The following DHRS12 variants were observed in gnomAD, a reference collection of about 807,000 sequenced individuals.
The protein encoded by DHRS12 is dehydrogenase/reductase SDR family member 12.
DHRS12 carries 29 observed loss-of-function variants against 32.1 expected under a neutral mutation model. The observed-to-expected ratio is 0.90, with a 90% confidence interval of 0.67 to 1.23. The LOEUF (loss-of-function observed/expected upper bound fraction) is 1.23, where lower values mean the gene tolerates loss of function less well. Ranked by LOEUF, DHRS12 falls within the 50% of genes most tolerant of loss-of-function variation. The probability of loss-of-function intolerance (pLI) is 0.00; values close to 1 mark genes in which losing one functional copy is unlikely to be tolerated. For missense variants in DHRS12, 330 were observed against 337.2 expected, an observed-to-expected ratio of 0.98 and a Z score of 0.17; for synonymous variants, 150 against 135.9, an observed-to-expected ratio of 1.10 and a Z score of -0.72.
downstream of DHRS12, chr13:51,767,776 TGGGGCGGG>T (rs1390335561): frequency 0.018 from 579 of 32,118 alleles, 55 homozygotes; most frequent in East Asian, 0.053. Context: ...AGCCCTCTCC[TGGGGCGGG>T]GGGGGGGGGG....
intron 7 of DHRS12, chr13:51,771,119 G>C: frequency 6.7e-7 from 1 of 1,489,046 alleles, no homozygotes; most frequent in Non-Finnish European, 8.9e-7. Flanking sequence ...TGTGATAATA[G>C]ACAGTAGTGG....
At chr13:51,787,855 T>C (rs1955048068) in intron 4 of DHRS12, among the ~76,000 whole-genome samples, 1 of 121,258 alleles carries the variant, frequency 8.2e-6, no homozygotes, top group Non-Finnish European at 1.7e-5. Flanking sequence ...TATATAATTA[T>C]ATATAATATA....
chr13:51,789,897 G>A (rs1024969294), intron 4 of DHRS12, 114 bp downstream of exon 4: 16 of 1,366,910 alleles, frequency 1.2e-5, no homozygotes, highest in African/African-American at 3.0e-5. Flanking sequence ...TAAAGCAAAC[G>A]TCATCAGGCC....
intron 1 of DHRS12, 67 bp downstream of exon 1, chr13:51,803,987 C>T: frequency 7.3e-7 from 1 of 1,375,588 alleles, no homozygotes; most frequent in Admixed American, 3.2e-5. Context: ...CCCGCCAACC[C>T]TGCTCGCCCG....
intron 6 of DHRS12, chr13:51,772,592 T>C (rs1954083352): frequency 1.0e-6 from 1 of 978,982 alleles, no homozygotes; most frequent in Admixed American, 6.1e-5. Context: ...GGTTGCAGTA[T>C]ATATGAATTA....
chr13:51,760,160 G>C, the DHRS12 span: 1 of 165,978 alleles, frequency 6.0e-6, no homozygotes, highest in African/African-American at 2.4e-5. Context: ...TATACTTTCT[G>C]TGTTTACTTC....
In DHRS12 at chr13:51,777,297, AG is replaced by A. The variant is rs1189839257; in HGVS notation, c.302-177del. ...CTTCAAGCCAAATGTTCCTTTTCCC[AG>A]GACTGGAAGAAAGATGCCTTAGAGC... is the stretch of plus-strand genomic sequence containing the variant. On this transcript the variant is annotated intron_variant, in intron 4 of 8. Transcript: ENST00000444610. 30 of 631,108 alleles carry A rather than the reference AG, an allele frequency of 4.8e-5. No individual in the cohort carries two copies. The East Asian group carries it at 7.7e-4, about 16-fold the overall frequency. The allele number at this position is 631,108 out of a possible 1,614,324, so 39.1% of individuals were successfully genotyped here. A position where few individuals can be genotyped will look rare whatever the true frequency, so the allele number is the denominator to read the frequency against.
intron 2 of DHRS12, among the ~76,000 whole-genome samples, chr13:51,794,792 GTTTTTTT>G (rs34797291): frequency 6.8e-6 from 1 of 146,986 alleles, no homozygotes. Flanking sequence ...TAAAATAGAA[GTTTTTTT>G]TTTTTTTAAT....
intron 4 of DHRS12, among the ~76,000 whole-genome samples, chr13:51,783,827 A>G (rs552918303): frequency 3.3e-5 from 5 of 152,270 alleles, no homozygotes; most frequent in African/African-American, 1.2e-4. Flanking sequence ...GTACATTGAC[A>G]TTTTGTGCCT....
chr13:51,766,101 A>G (rs1176497678), downstream of DHRS12: 3 of 152,258 alleles, frequency 2.0e-5, no homozygotes, highest in African/African-American at 7.2e-5. Flanking sequence ...CGTCAGTAGT[A>G]TATGCCACTA....
intron 1 of DHRS12, among the ~76,000 whole-genome samples, chr13:51,801,390 G>A (rs1955746991): frequency 6.6e-6 from 1 of 152,156 alleles, no homozygotes; most frequent in African/African-American, 2.4e-5. Context: ...TTTTCACCAT[G>A]TTGGCCATGC....
intron 2 of DHRS12, among the ~76,000 whole-genome samples, chr13:51,792,700 T>G (rs1955331550): frequency 6.6e-6 from 1 of 152,214 alleles, no homozygotes; most frequent in Admixed American, 6.5e-5. Flanking sequence ...GTGCCCAGCT[T>G]GTGTTGGCCA....
At chr13:51,788,063 G>A (rs1022060747) in intron 4 of DHRS12, among the ~76,000 whole-genome samples, 20 of 150,618 alleles carry the variant, frequency 1.3e-4, no homozygotes, top group Admixed American at 1.2e-3. Context: ...ATCCTGTGAG[G>A]TCACACAAAG....
chr13:51,792,228 G>A (rs969764328), intron 2 of DHRS12, among the ~76,000 whole-genome samples: 2 of 152,088 alleles, frequency 1.3e-5, no homozygotes, highest in African/African-American at 2.4e-5. Context: ...GGTGTGCAAG[G>A]GTTCCAATTT....
In DHRS12 at chr13:51,782,956, A is replaced by G. The variant is rs1200503337; in HGVS notation, c.302-5835T>C. On this transcript the variant is annotated intron_variant, in intron 4 of 8. Coordinates refer to ENST00000444610, the MANE Select transcript of DHRS12 (RefSeq NM_001377533.1). The surrounding 1 kb of genome is among the most constrained non-coding windows in gnomAD (Gnocchi z 4.2). ...CCGGTGCTCCTAGGCCAGAAGACCTAGAAGGGCAGACACCACGGAGCCTGG... is the reference window on the plus strand; with the variant it reads ...CCGGTGCTCCTAGGCCAGAAGACCTGGAAGGGCAGACACCACGGAGCCTGG... Among the ~76,000 whole-genome samples, 6 of 152,178 alleles carry G rather than the reference A, an allele frequency of 3.9e-5. No homozygotes were observed. The highest frequency in any genetic ancestry group is 3.9e-4 in the Admixed American group (6 of 15,284).
rs1036155608 is a variant in DHRS12 at position 51,771,213 on chromosome 13, G to A, written c.559+608C>T. The A allele has an allele frequency of 1.5e-5, 23 of 1,551,616 alleles. 1 individual carries two copies. The highest frequency in any genetic ancestry group is 7.3e-5 in the East Asian group (3 of 40,916). ...TCTTGGCGCCGCGGGTGCACCCTGGGGTGTGTGCTGTGGCTGCTGCTGCTT... is the reference window on the plus strand; with the variant it reads ...TCTTGGCGCCGCGGGTGCACCCTGGAGTGTGTGCTGTGGCTGCTGCTGCTT... On this transcript the variant is annotated intron_variant, in intron 7 of 8. Transcript: ENST00000444610.
intron 8 of DHRS12, 63 bp downstream of exon 8, chr13:51,769,093 C>A: frequency 1.3e-6 from 2 of 1,545,960 alleles, no homozygotes; most frequent in Non-Finnish European, 1.7e-6. Context: ...AGGTGCGCCT[C>A]GAAGGCCCAG....
At chr13:51,798,839 CAAA>C (rs1175946531) in intron 2 of DHRS12, among the ~76,000 whole-genome samples, 2 of 152,218 alleles carry the variant, frequency 1.3e-5, no homozygotes, top group African/African-American at 4.8e-5. Flanking sequence ...AGAGATGCAG[CAAA>C]CTTTTCTAGC....
chr13:51,778,176 C>T (rs1037273110), intron 4 of DHRS12, among the ~76,000 whole-genome samples: 4 of 152,210 alleles, frequency 2.6e-5, no homozygotes, highest in African/African-American at 9.6e-5. Context: ...TAGGCAAGTG[C>T]GGTGGCATTT....
Sources: allele counts gnomAD v4.1 joint callset (sites outside exome capture counted in the v4.1 genomes callset), GRCh38; gene constraint gnomAD v4.1.1; non-coding constraint Gnocchi (gnomAD v3.1); transcripts MANE v1.5; gene names NCBI Gene and HGNC (gene_info 2026-07-23, HGNC 2026-07-21).